The following ZNF385D variants were observed in gnomAD, a reference collection of about 807,000 sequenced individuals.
The protein encoded by ZNF385D is zinc finger protein 385D, also known as zinc finger protein 659.
Under a neutral mutation model 35.8 loss-of-function variants are expected in ZNF385D, and 15 were observed. The observed-to-expected ratio is 0.42, with a 90% CI of 0.28 to 0.64. The LOEUF is 0.64. Among genes scored for constraint, ZNF385D ranks in the 30% least tolerant of loss-of-function variants. The probability of loss-of-function intolerance (pLI) is 0.23; values close to 1 mark genes in which losing one functional copy is unlikely to be tolerated. For synonymous variants in ZNF385D, 212 were observed against 186.8 expected (o/e 1.13, Z -1.10); for missense variants, 474 against 494.6 (o/e 0.96, Z 0.39).
At chr3:21,967,501 G>C (rs1702977715) in intron 3 of ZNF385D, among the ~76,000 whole-genome samples, 1 of 152,130 alleles carries the variant, frequency 6.6e-6, no homozygotes, top group African/African-American at 2.4e-5. Flanking sequence ...AATCACTACA[G>C]AGCTGCTAAA....
intron 2 of ZNF385D, among the ~76,000 whole-genome samples, chr3:22,329,076 C>CAAAAAAA (rs776193960): frequency 1.3e-5 from 1 of 74,900 alleles, no homozygotes; most frequent in Admixed American, 1.7e-4. Context: ...GACTCCGTCT[C>CAAAAAAA]AAAAAAAAAA....
intron 3 of ZNF385D, among the ~76,000 whole-genome samples, chr3:21,891,466 A>T (rs931189754): frequency 6.6e-6 from 1 of 152,204 alleles, no homozygotes; most frequent in Non-Finnish European, 1.5e-5. Context: ...GAATGGCCTT[A>T]TCATTGTCAC....
rs73822041 is a variant in ZNF385D, at chr3:21,743,232, G to A, written c.22+7663C>T. ...AACAAATGGTAGAGATGGGGTCACT[G>A]TAAATATCAAAGAGATCGTAGCACA... On this transcript the variant is annotated intron_variant, in intron 1 of 7. Coordinates refer to ENST00000281523, the MANE Select transcript of ZNF385D (RefSeq NM_024697.3). 1.0e-2 allele frequency among the ~76,000 whole-genome samples: 1,518 copies of A among 152,310 alleles called. 25 individuals are homozygous for A. Among genetic ancestry groups the A allele is most frequent in the African/African-American group, 0.035 (1,453 of 41,572 alleles).
intron 1 of ZNF385D, among the ~76,000 whole-genome samples, chr3:21,667,896 T>C (rs993565621): frequency 6.6e-6 from 1 of 152,166 alleles, no homozygotes; most frequent in African/African-American, 2.4e-5. Context: ...CTCTCAGTGT[T>C]GCAACTGGAG....
At chr3:22,233,843 A>AT (rs1699030814) in intron 2 of ZNF385D, among the ~76,000 whole-genome samples, 2 of 152,232 alleles carry the variant, frequency 1.3e-5, no homozygotes, top group South Asian at 4.1e-4. Context: ...GGTATTAAGA[A>AT]ACAATTTAAT....
chr3:22,021,480 A>T (rs992475667), intron 3 of ZNF385D, among the ~76,000 whole-genome samples: 11 of 152,012 alleles, frequency 7.2e-5, no homozygotes, highest in African/African-American at 2.7e-4. Context: ...AGTCAAACTG[A>T]CCTAGGTTTT....
At chr3:21,439,536 C>G (rs1246718912) in intron 4 of ZNF385D, among the ~76,000 whole-genome samples, 1 of 151,910 alleles carries the variant, frequency 6.6e-6, no homozygotes, top group African/African-American at 2.4e-5. Flanking sequence ...TAAAGATTTC[C>G]CTAGTAATAC....
intron 3 of ZNF385D, among the ~76,000 whole-genome samples, chr3:21,997,872 CGT>C (rs751459423): frequency 0.19 from 17,146 of 89,514 alleles, 1,157 homozygotes; most frequent in East Asian, 0.29. Context: ...CGCGCGCGCG[CGT>C]GTGTGTGTGT....
At chr3:21,866,541 A>G (rs574927073) in intron 3 of ZNF385D, among the ~76,000 whole-genome samples, 1 of 152,280 alleles carries the variant, frequency 6.6e-6, no homozygotes, top group East Asian at 1.9e-4. Context: ...ATCATACTCA[A>G]CTGGAGCAAG....
chr3:21,943,597 T>C (rs1431620907), intron 3 of ZNF385D, among the ~76,000 whole-genome samples: 2 of 152,066 alleles, frequency 1.3e-5, no homozygotes, highest in African/African-American at 2.4e-5. Flanking sequence ...CAACAAATTA[T>C]ATATACTACT....
chr3:22,267,941 C>T (rs551456283), intron 2 of ZNF385D, among the ~76,000 whole-genome samples: 2 of 152,046 alleles, frequency 1.3e-5, no homozygotes, highest in South Asian at 4.1e-4. Context: ...AAACCCCAAA[C>T]CCTGAGGTTA....
At chr3:22,281,560 C>T (rs1321413054) in intron 2 of ZNF385D, among the ~76,000 whole-genome samples, 4 of 152,022 alleles carry the variant, frequency 2.6e-5, no homozygotes, top group Non-Finnish European at 4.4e-5. Flanking sequence ...GGATGTTAAA[C>T]CATCCCTGCG....
In ZNF385D at chr3:21,775,973, A is replaced by C. The variant is rs183972027; in HGVS notation, c.326-110945T>G. Among the ~76,000 whole-genome samples, 440 of 151,884 alleles carry C rather than the reference A, an allele frequency of 2.9e-3. 8 individuals are homozygous for C. Among genetic ancestry groups the C allele is most frequent in the Middle Eastern group, 0.014 (4 of 292 alleles). ...CTGCTAATAGTATTTTCTTTCAGATACTCAATTATATAGTTTAATATATTG... is the reference window on the plus strand; with the variant it reads ...CTGCTAATAGTATTTTCTTTCAGATCCTCAATTATATAGTTTAATATATTG... On this transcript the variant is annotated intron_variant, in intron 3 of 5. Transcript: ENST00000494108.
chr3:21,900,637 A>G (rs1373714203), intron 3 of ZNF385D, among the ~76,000 whole-genome samples: 2 of 152,210 alleles, frequency 1.3e-5, no homozygotes, highest in African/African-American at 4.8e-5. Flanking sequence ...GACAGACTAT[A>G]GTATGGACTT....
At chr3:21,854,783 G>C (rs556511908) in intron 3 of ZNF385D, among the ~76,000 whole-genome samples, 56 of 152,028 alleles carry the variant, frequency 3.7e-4, no homozygotes, top group Admixed American at 1.1e-3. Flanking sequence ...TTTGTTGACT[G>C]ATAGATTAAC....
intron 3 of ZNF385D, among the ~76,000 whole-genome samples, chr3:21,959,360 T>A (rs1702458733): frequency 6.6e-6 from 1 of 151,394 alleles, no homozygotes; most frequent in Admixed American, 6.6e-5. Context: ...TTCAGGATAT[T>A]TTTTTTTCAT....
intron 3 of ZNF385D, among the ~76,000 whole-genome samples, chr3:21,840,433 T>A (rs1695592176): frequency 6.6e-6 from 1 of 152,116 alleles, no homozygotes; most frequent in Admixed American, 6.6e-5. Context: ...TATTCCCTGA[T>A]ATCTTCATAT....
chr3:22,181,520 C>A (rs112512429), intron 2 of ZNF385D, among the ~76,000 whole-genome samples: 1 of 151,960 alleles, frequency 6.6e-6, no homozygotes, highest in Non-Finnish European at 1.5e-5. Flanking sequence ...CACGGTGAAA[C>A]CCCCTCTCTA....
At chr3:21,836,844 G>A (rs11129026) in intron 3 of ZNF385D, among the ~76,000 whole-genome samples, 10,665 of 152,054 alleles carry the variant, frequency 0.07, 550 homozygotes, top group East Asian at 0.21. Context: ...AGACGCTGCC[G>A]TAGACCCACC....
Sources: gnomAD v4.1 joint callset for allele counts (sites outside exome capture counted in the v4.1 genomes callset) on GRCh38, gnomAD v4.1.1 for gene constraint, MANE v1.5 for transcripts, NCBI Gene and HGNC (gene_info 2026-07-23, HGNC 2026-07-21) for gene names.